ASTN2: variants seen among roughly 807,000 people sequenced by gnomAD.
ASTN2 encodes the protein astrotactin 2, also known as astrotactin-2.
In ASTN2, 54 loss-of-function variants were observed where a neutral mutation model predicts 139.8. That is an observed-to-expected ratio of 0.39 (90% CI 0.31 to 0.48). The LOEUF (loss-of-function observed/expected upper bound fraction) is 0.48. Ranked by LOEUF, ASTN2 falls within the 20% of genes least tolerant of loss-of-function variation. The pLI is 0.95. For synonymous variants in ASTN2, 756 were observed against 719.5 expected, an observed-to-expected ratio of 1.05 and a Z score of -0.81; for missense variants, 1,565 against 1,725.1, an observed-to-expected ratio of 0.91 and a Z score of 1.64.
intron 19 of ASTN2, among the ~76,000 whole-genome samples, chr9:116,562,859 A>G (rs778476665): frequency 6.6e-5 from 10 of 151,986 alleles, no homozygotes; most frequent in Non-Finnish European, 1.5e-4. Context: ...CGGAAAGCTC[A>G]TGTGTTCATT....
chr9:117,240,884 C>A (rs145496132), intron 2 of ASTN2, among the ~76,000 whole-genome samples: 1 of 152,268 alleles, frequency 6.6e-6, no homozygotes, highest in South Asian at 2.1e-4. Flanking sequence ...CTTATGTTCT[C>A]GGCACTCATT....
chr9:117,380,916 G>A (rs547693366), intron 1 of ASTN2, among the ~76,000 whole-genome samples: 8 of 152,214 alleles, frequency 5.3e-5, no homozygotes, highest in Admixed American at 3.3e-4. Context: ...TATACCCAAG[G>A]AAAATAAAAA....
At chr9:116,590,429 C>T (rs1854333572) in intron 19 of ASTN2, among the ~76,000 whole-genome samples, 1 of 152,200 alleles carries the variant, frequency 6.6e-6, no homozygotes, top group Admixed American at 6.5e-5. Flanking sequence ...TTGCCTTGGC[C>T]CTCTCAAGAC....
chr9:117,303,231 C>G (rs1181097414), intron 1 of ASTN2, among the ~76,000 whole-genome samples: 1 of 152,114 alleles, frequency 6.6e-6, no homozygotes, highest in East Asian at 1.9e-4. Flanking sequence ...TTTGGTAGCT[C>G]AGCAATTTTT....
At chr9:116,517,697 T>C (rs934512287) in intron 19 of ASTN2, among the ~76,000 whole-genome samples, 6 of 152,222 alleles carry the variant, frequency 3.9e-5, no homozygotes, top group Non-Finnish European at 8.8e-5. Flanking sequence ...GGGCTGATTA[T>C]TATGCTAATC....
At chr9:116,700,098 A>G (rs1861098209) in intron 16 of ASTN2, 1 of 286,608 alleles carries the variant, frequency 3.5e-6, no homozygotes, top group Non-Finnish European at 7.1e-6. Context: ...CCTTCCTACT[A>G]TAATGTGCTT....
At chr9:117,330,880 C>T (rs1331898448) in intron 1 of ASTN2, among the ~76,000 whole-genome samples, 1 of 152,192 alleles carries the variant, frequency 6.6e-6, no homozygotes, top group East Asian at 1.9e-4. Flanking sequence ...ATCTTCTCTC[C>T]TTTCCATGGC....
intron 5 of ASTN2, among the ~76,000 whole-genome samples, chr9:117,078,972 G>A (rs895451024): frequency 2.0e-5 from 3 of 152,144 alleles, no homozygotes; most frequent in Admixed American, 6.5e-5. Flanking sequence ...CTGACCTCAG[G>A]CGATCTGCCT....
chr9:116,747,010 C>G (rs1829256793), intron 13 of ASTN2, among the ~76,000 whole-genome samples: 2 of 152,190 alleles, frequency 1.3e-5, no homozygotes, highest in Non-Finnish European at 2.9e-5. Flanking sequence ...GATCTCCCTC[C>G]CATGGGGCCT....
intron 1 of ASTN2, among the ~76,000 whole-genome samples, chr9:117,350,889 A>G (rs989589640): frequency 2.0e-4 from 30 of 152,208 alleles, no homozygotes; most frequent in African/African-American, 7.0e-4. Flanking sequence ...CTCAAGTCAC[A>G]AAGTGGAGAT....
intron 16 of ASTN2, among the ~76,000 whole-genome samples, chr9:116,681,655 T>C (rs1351281395): frequency 2.0e-5 from 3 of 152,110 alleles, no homozygotes; most frequent in Admixed American, 1.3e-4. Flanking sequence ...CAAAACAGCA[T>C]GGTACTGGTA....
chr9:117,346,215 T>A (rs1328065145), intron 1 of ASTN2, among the ~76,000 whole-genome samples: 1 of 152,124 alleles, frequency 6.6e-6, no homozygotes, highest in African/African-American at 2.4e-5. Flanking sequence ...TTTTAGTTAC[T>A]TTTTTAAAAG....
intron 13 of ASTN2, among the ~76,000 whole-genome samples, chr9:116,769,406 A>G (rs751497379): frequency 5.3e-5 from 8 of 152,134 alleles, no homozygotes; most frequent in African/African-American, 9.7e-5. Context: ...AGTGGAGACC[A>G]TTTGCATAGA....
rs569340885 is a variant in ASTN2 at position 117,407,307 on chromosome 9, T to C, written c.442+7190A>G. ...ACAATGGGGAAGCAGTGAAGTGCTT[T>C]ACAAGAGGATGGCCATTATCAGATT... On this transcript the variant is annotated intron_variant, in intron 1 of 22. Transcript: ENST00000313400. 3.3e-5 allele frequency among the ~76,000 whole-genome samples: 5 copies of C among 152,270 alleles called. No individual in the cohort carries two copies. In the East Asian group the frequency reaches 7.7e-4, roughly 23 times the overall value.
rs974224316 is a variant in ASTN2 at position 116,793,813 on chromosome 9, T to C, written c.2396+11819A>G. 5.9e-5 allele frequency among the ~76,000 whole-genome samples: 9 copies of C among 152,192 alleles called. No individual in the cohort carries two copies. In the South Asian group the frequency reaches 1.9e-3, roughly 31 times the overall value. On this transcript the variant is annotated intron_variant, in intron 13 of 22. Coordinates refer to ENST00000313400, the MANE Select transcript of ASTN2 (RefSeq NM_001365068.1). ...AGGCAATTGGTTTGTACCTTAGAGT[T>C]TGAGAAGCACTGGCATAATTCATGT... is the stretch of plus-strand genomic sequence containing the variant.
chr9:117,111,547 A>C (rs1047217547), intron 4 of ASTN2, among the ~76,000 whole-genome samples: 2 of 152,126 alleles, frequency 1.3e-5, no homozygotes, highest in Non-Finnish European at 2.9e-5. Flanking sequence ...GAAAAATTAA[A>C]CCATGTCTAA....
chr9:116,974,403 T>A (rs1324507018), intron 10 of ASTN2, among the ~76,000 whole-genome samples: 1 of 151,952 alleles, frequency 6.6e-6, no homozygotes, highest in Non-Finnish European at 1.5e-5. Context: ...TAGTATGAAG[T>A]AGAGTAAGTC....
intron 10 of ASTN2, among the ~76,000 whole-genome samples, chr9:116,953,350 C>G (rs1444797895): frequency 6.6e-6 from 1 of 152,196 alleles, no homozygotes; most frequent in African/African-American, 2.4e-5. Context: ...TTTCCCACTG[C>G]AAATTGTTTT....
intron 19 of ASTN2, among the ~76,000 whole-genome samples, chr9:116,565,989 C>T (rs1853214496): frequency 6.6e-6 from 1 of 152,198 alleles, no homozygotes; most frequent in Non-Finnish European, 1.5e-5. Flanking sequence ...CAGCCTTCTA[C>T]ATGTGTAAGC....
Sources: allele counts gnomAD v4.1 joint callset (sites outside exome capture counted in the v4.1 genomes callset), GRCh38; gene constraint gnomAD v4.1.1; transcripts MANE v1.5; gene names NCBI Gene and HGNC (gene_info 2026-07-23, HGNC 2026-07-21).